The following ADAMTS5 variants were observed in gnomAD, a reference collection of about 807,000 sequenced individuals.
ADAMTS5 encodes ADAM metallopeptidase with thrombospondin type 1 motif 5.
ADAMTS5 carries 54 observed loss-of-function variants against 81.4 expected under a neutral mutation model. That is an observed-to-expected ratio of 0.66 (90% CI 0.53 to 0.83). The LOEUF is 0.83. Among genes scored for constraint, ADAMTS5 ranks in the 40% least tolerant of loss-of-function variants. ADAMTS5 has a pLI of 0.00. For synonymous variants in ADAMTS5, 532 were observed against 508.8 expected (o/e 1.05, Z -0.61); for missense variants, 1,194 against 1,229.9 (o/e 0.97, Z 0.44).
chr21:26,941,566 TC>T (rs1987115202), intron 3 of ADAMTS5, among the ~76,000 whole-genome samples: 1 of 152,044 alleles, frequency 6.6e-6, no homozygotes, highest in Non-Finnish European at 1.5e-5. Flanking sequence ...AACAAAATTC[TC>T]CACAGCATTG....
intron 3 of ADAMTS5, among the ~76,000 whole-genome samples, chr21:26,935,480 G>A (rs563123321): frequency 2.0e-5 from 3 of 152,222 alleles, no homozygotes; most frequent in South Asian, 4.2e-4. Context: ...CAGAACAAAG[G>A]AGCAGTGAAA....
rs954584824 is a variant in ADAMTS5 at position 26,921,566 on chromosome 21, T to C, written c.*2487A>G. ...AGTACGAAGTCAAAGTGGACTGACT[T>C]AGATTGAGTTGTATAGAATTTTCCC... On this transcript the variant is annotated 3_prime_UTR_variant, in exon 8 of 8. Coordinates refer to ENST00000284987, the MANE Select transcript of ADAMTS5 (RefSeq NM_007038.5). 1 of 152,290 alleles carries C rather than the reference T, an allele frequency of 6.6e-6. No individual in the cohort carries two copies. Among genetic ancestry groups the C allele is most frequent in the African/African-American group, 2.4e-5 (1 of 41,394 alleles). The allele number at this position is 152,290 out of a possible 1,614,324, so 9.4% of individuals were successfully genotyped here. A position where few individuals can be genotyped will look rare whatever the true frequency, so the allele number is the denominator to read the frequency against.
chr21:26,929,567 A>C (rs1285582195), intron 7 of ADAMTS5, among the ~76,000 whole-genome samples: 3 of 152,216 alleles, frequency 2.0e-5, no homozygotes, highest in Non-Finnish European at 2.9e-5. Context: ...TGTTTTAGGA[A>C]TAACACTAGA....
At chr21:26,942,928 G>A (rs1987140860) in intron 3 of ADAMTS5, among the ~76,000 whole-genome samples, 1 of 152,080 alleles carries the variant, frequency 6.6e-6, no homozygotes, top group African/African-American at 2.4e-5. Context: ...TTCCTCTTCT[G>A]GGCTTATGTT....
In ADAMTS5 at chr21:26,924,180, C is replaced by T. The variant is rs771077500; in HGVS notation, c.2666G>A (p.Arg889Lys). The change falls in exon 8 of 8, where the codon AGG becomes AAG. Residue 889 changes from arginine to lysine, a missense_variant. By Grantham distance (26) the Arg-to-Lys change is conservative (BLOSUM62 2). Transcript: ENST00000284987. ...GGTGTGCCAACCTGTGTCACAGGTC[C>T]TAGAGCAGGCGAGCCATGGGCCCGT... ...WVTGPWLACS[R>K]TCDTGWHTRT... 6.2e-7 allele frequency: 1 copy of T among 1,614,218 alleles called. No homozygotes were observed. Among genetic ancestry groups the T allele is most frequent in the South Asian group, 1.1e-5 (1 of 91,090 alleles).
At chr21:26,943,643 T>G (rs1454033347) in intron 2 of ADAMTS5, 96 bp from the exon 3 acceptor site, 6 of 1,181,280 alleles carry the variant, frequency 5.1e-6, no homozygotes, top group Non-Finnish European at 7.1e-6. Flanking sequence ...TTTCCCCTAA[T>G]TGTAGATGAG....
intron 1 of ADAMTS5, among the ~76,000 whole-genome samples, chr21:26,957,918 T>A (rs1459439516): frequency 6.6e-6 from 1 of 152,190 alleles, no homozygotes; most frequent in Non-Finnish European, 1.5e-5. Flanking sequence ...TTGTGATTTA[T>A]CACAGAATTT....
rs201317324 is a variant in ADAMTS5, at chr21:26,966,642, GGGGA to G, written c.-255_-252del. Reference sequence around the variant, plus strand: ...CCAGAAAGAGGTGGGGTGGGGGGGGGGGGAAAGAAAAGATTAAAAAAAAAAAGTC... The same window carrying G: ...CCAGAAAGAGGTGGGGTGGGGGGGGGAAGAAAAGATTAAAAAAAAAAAGTC... On this transcript the variant is annotated 5_prime_UTR_variant, in exon 1 of 8. Transcript: ENST00000284987. The G allele has an allele frequency of 0.024, 2,645 of 110,594 alleles. 80 individuals are homozygous for G. The highest frequency in any genetic ancestry group is 0.033 in the Non-Finnish European group (1,888 of 57,842). 6.9% of individuals were successfully genotyped at this position (110,594 alleles called of 1,614,324 possible).
chr21:26,940,168 T>A (rs1189584085), intron 3 of ADAMTS5, among the ~76,000 whole-genome samples: 1 of 152,192 alleles, frequency 6.6e-6, no homozygotes, highest in Non-Finnish European at 1.5e-5. Flanking sequence ...TCCGACCTCA[T>A]TTCTCCAGTA....
At chr21:26,934,225 A>G (rs1319973123) in intron 4 of ADAMTS5, among the ~76,000 whole-genome samples, 2 of 152,236 alleles carry the variant, frequency 1.3e-5, no homozygotes, top group Non-Finnish European at 2.9e-5. Flanking sequence ...TCTGAGTTAC[A>G]TAAGTATTTG....
At chr21:26,954,634 A>G in intron 2 of ADAMTS5, 105 bp downstream of exon 2, 2 of 1,516,476 alleles carry the variant, frequency 1.3e-6, no homozygotes, top group South Asian at 2.6e-5. Flanking sequence ...CCAGTGGTAC[A>G]TCTGAACCAG....
At chr21:26,943,922 C>T (rs1405301687) in intron 2 of ADAMTS5, among the ~76,000 whole-genome samples, 2 of 152,188 alleles carry the variant, frequency 1.3e-5, no homozygotes, top group Non-Finnish European at 2.9e-5. Flanking sequence ...TCTGCCTTCT[C>T]TGATCAAGCC....
In ADAMTS5 at chr21:26,924,295, CA is replaced by C; in HGVS notation, c.2550del (p.Phe850LeufsTer10). Reference sequence around the variant, plus strand: ...ACTTTTGGAGTGGACTTCTTGGGAACAAAAAAGCTATAACGGACATCTAATG... The same window carrying C: ...ACTTTTGGAGTGGACTTCTTGGGAACAAAAAGCTATAACGGACATCTAATG... The part of the protein sequence containing the change: ...TKPLDVRYSF[F>X]VPKKSTPKVN... On this transcript the variant is annotated frameshift_variant, in exon 8 of 8. Transcript: ENST00000284987. LOFTEE classifies it high-confidence loss of function. 1 of 1,614,116 alleles carries C rather than the reference CA, an allele frequency of 6.2e-7. No individual in the cohort carries two copies. Among genetic ancestry groups the C allele is most frequent in the Non-Finnish European group, 8.5e-7 (1 of 1,180,030 alleles).
chr21:26,954,633 C>T (rs1987385606), intron 2 of ADAMTS5, 106 bp downstream of exon 2: 7 of 1,497,854 alleles, frequency 4.7e-6, no homozygotes, highest in South Asian at 2.7e-5. Flanking sequence ...CCCAGTGGTA[C>T]ATCTGAACCA....
At chr21:26,964,917 G>T (rs1280531064) in intron 1 of ADAMTS5, among the ~76,000 whole-genome samples, 1 of 152,204 alleles carries the variant, frequency 6.6e-6, no homozygotes, top group African/African-American at 2.4e-5. Flanking sequence ...CTGGAAAGAA[G>T]AAGACCCATG....
intron 3 of ADAMTS5, among the ~76,000 whole-genome samples, chr21:26,941,530 A>G (rs1987114572): frequency 6.6e-6 from 1 of 152,142 alleles, no homozygotes; most frequent in Non-Finnish European, 1.5e-5. Flanking sequence ...ATAAACATGA[A>G]ATAAATGAAT....
intron 2 of ADAMTS5, among the ~76,000 whole-genome samples, chr21:26,945,231 A>G (rs1415420702): frequency 1.3e-5 from 2 of 152,044 alleles, no homozygotes; most frequent in Non-Finnish European, 2.9e-5. Context: ...ACTTGCTGAT[A>G]TCGCACTCTA....
chr21:26,946,484 G>A (rs1023689164), intron 2 of ADAMTS5, among the ~76,000 whole-genome samples: 1 of 152,158 alleles, frequency 6.6e-6, no homozygotes, highest in Non-Finnish European at 1.5e-5. Flanking sequence ...AGTAGGGATT[G>A]TGAAGGGGAA....
chr21:26,957,086 A>G (rs1987440900), intron 1 of ADAMTS5, among the ~76,000 whole-genome samples: 1 of 152,206 alleles, frequency 6.6e-6, no homozygotes, highest in Admixed American at 6.5e-5. Flanking sequence ...ATCTTGGCAA[A>G]CAGTTACAGT....
Sources: allele counts gnomAD v4.1 joint callset (sites outside exome capture counted in the v4.1 genomes callset), GRCh38; gene constraint gnomAD v4.1.1; transcripts MANE v1.5; gene names NCBI Gene and HGNC (gene_info 2026-07-23, HGNC 2026-07-21).